GSE1: variants seen among roughly 807,000 people sequenced by gnomAD.
The protein encoded by GSE1 is Gse1 coiled-coil protein.
In GSE1, 32 loss-of-function variants were observed where a neutral mutation model predicts 112.6. That is an observed-to-expected ratio of 0.28 (90% CI 0.21 to 0.38). GSE1 has a LOEUF of 0.38. GSE1 is among the 10% of genes least tolerant of loss of function. The probability of loss-of-function intolerance (pLI) is 1.00; values close to 1 mark genes in which losing one functional copy is unlikely to be tolerated. For missense variants in GSE1, 2,348 were observed against 1,699.2 expected (o/e 1.38, Z -6.71); for synonymous variants, 1,115 against 735.6 (o/e 1.52, Z -8.35).
At chr16:85,189,569 C>G (rs79139110) in intron 1 of GSE1, among the ~76,000 whole-genome samples, 2,286 of 152,278 alleles carry the variant, frequency 0.015, 51 homozygotes, top group African/African-American at 0.051. Context: ...AATAAAAGTT[C>G]TAAGAGACAT....
At chr16:85,527,113 T>A (rs2052388180) in intron 2 of GSE1, among the ~76,000 whole-genome samples, 1 of 152,044 alleles carries the variant, frequency 6.6e-6, no homozygotes, top group Non-Finnish European at 1.5e-5. Context: ...GCGCCCCACC[T>A]CCTCTGTCTT....
At chr16:85,465,152 C>T (rs2050088386) in intron 2 of GSE1, among the ~76,000 whole-genome samples, 1 of 152,226 alleles carries the variant, frequency 6.6e-6, no homozygotes, top group African/African-American at 2.4e-5. Flanking sequence ...CTCCGATATC[C>T]AGGAGTGTGG....
At chr16:85,644,236 G>T (rs1317105713) in intron 2 of GSE1, among the ~76,000 whole-genome samples, 2 of 152,114 alleles carry the variant, frequency 1.3e-5, no homozygotes, top group African/African-American at 2.4e-5. Flanking sequence ...CTCCTCAGGA[G>T]GCTGAGGTGG....
upstream of GSE1, chr16:85,554,931 G>A (rs2045123806): frequency 3.0e-6 from 3 of 985,394 alleles, no homozygotes; most frequent in Non-Finnish European, 3.6e-6. Flanking sequence ...CTTCGGCAGC[G>A]GCACCCTCCC....
chr16:85,408,296 CGG>C (rs1567745076), intron 2 of GSE1, among the ~76,000 whole-genome samples: 3 of 5,666 alleles, frequency 5.3e-4, no homozygotes, highest in South Asian at 8.6e-3. Context: ...CAGGGCCCCC[CGG>C]ATAATCCTCA....
At chr16:85,597,534 A>T (rs1260172476) in intron 1 of GSE1, among the ~76,000 whole-genome samples, 1 of 152,088 alleles carries the variant, frequency 6.6e-6, no homozygotes, top group African/African-American at 2.4e-5. Flanking sequence ...CAGTAGTGAG[A>T]TCATAGTTCA....
Position 85,375,552 on chromosome 16 carries a change from G to A in GSE1, c.2464+17909G>A, listed in dbSNP as rs934395722. Among the ~76,000 whole-genome samples the A allele has an allele frequency of 1.4e-3, 220 of 152,370 alleles. 2 individuals carry two copies. The highest frequency in any genetic ancestry group is 5.1e-3 in the African/African-American group (212 of 41,588). ...CCAAGACCCTGAGACCCCCAAGCCT[G>A]CCTGGGGCCATGCAGGGCTTAAGCG... On this transcript the variant is annotated intron_variant, in intron 2 of 2. Transcript: ENST00000637419.
At chr16:85,558,199 A>G (rs1236483520) in intron 1 of GSE1, among the ~76,000 whole-genome samples, 1 of 152,136 alleles carries the variant, frequency 6.6e-6, no homozygotes, top group Non-Finnish European at 1.5e-5. Context: ...CATTCATCAG[A>G]GCCCTTTAGC....
chr16:85,492,588 A>C (rs1390240876), intron 2 of GSE1, among the ~76,000 whole-genome samples: 1 of 152,248 alleles, frequency 6.6e-6, no homozygotes, highest in African/African-American at 2.4e-5. Flanking sequence ...ACTAGGGCCC[A>C]GAGAGGCCGA....
chr16:85,231,455 G>A (rs1482701547), intron 1 of GSE1, among the ~76,000 whole-genome samples: 3 of 151,794 alleles, frequency 2.0e-5, no homozygotes, highest in Non-Finnish European at 2.9e-5. Flanking sequence ...TGGATGGAAG[G>A]ATGGATGGAT....
rs570067364 is a variant in GSE1, at chr16:85,651,796, C to T, written c.427-2482C>T. Among the ~76,000 whole-genome samples the T allele has an allele frequency of 7.2e-5, 11 of 152,286 alleles. No homozygotes were observed. In the South Asian group the frequency reaches 1.0e-3, roughly 14 times the overall value. The stretch of plus-strand genomic sequence containing the variant: ...CCTGGGAGGGGGAGTCCAGGTACCC[C>T]GGGTGCCTGAGCAGGCGAGGCCCCT... On this transcript the variant is annotated intron_variant, in intron 3 of 15. Coordinates refer to ENST00000253458, the MANE Select transcript of GSE1 (RefSeq NM_014615.5).
intron 2 of GSE1, among the ~76,000 whole-genome samples, chr16:85,517,584 C>T (rs1411815065): frequency 6.9e-6 from 1 of 145,058 alleles, no homozygotes; most frequent in Non-Finnish European, 1.5e-5. Flanking sequence ...ACCAACCGGC[C>T]CCTGAATCCC....
chr16:85,499,815 A>G (rs960279782), intron 2 of GSE1, among the ~76,000 whole-genome samples: 2 of 152,230 alleles, frequency 1.3e-5, no homozygotes, highest in African/African-American at 4.8e-5. Context: ...AAAAGATAAC[A>G]TATGTTGCTG....
intron 1 of GSE1, among the ~76,000 whole-genome samples, chr16:85,591,513 A>G (rs547419886): frequency 3.0e-4 from 45 of 152,350 alleles, no homozygotes; most frequent in African/African-American, 8.9e-4. Context: ...TGCTCCTCAC[A>G]GCCTTGCGGG....
At chr16:85,331,359 GTGTGTGTATATATGTATATA>G (rs2046340493) in intron 1 of GSE1, among the ~76,000 whole-genome samples, 1 of 54,480 alleles carries the variant, frequency 1.8e-5, no homozygotes, top group Non-Finnish European at 4.4e-5. Flanking sequence ...GTGTGTGTGT[GTGTGTGTATATATGTATATA>G]TATGTATATA....
Position 85,654,922 on chromosome 16 carries a change from C to T in GSE1, c.728C>T (p.Pro243Leu), listed in dbSNP as rs778445212. ...MSSLPPLGLD[P>L]ATAAAYYHPS... ...TCACTGCCTCCCCTCGGCCTGGACC[C>T]GGCCACTGCTGCAGCCTACTACCAC... Residue 243 changes from proline to leucine, a missense_variant, in exon 5 of 16, where the codon CCG (proline) becomes CTG (leucine). Physicochemically the swap from Pro to Leu is moderately conservative, Grantham distance 98 (BLOSUM62 -3). Coordinates refer to ENST00000253458, the MANE Select transcript of GSE1 (RefSeq NM_014615.5). The T allele has an allele frequency of 1.3e-5, 21 of 1,611,314 alleles. No individual in the cohort carries two copies. Among genetic ancestry groups the T allele is most frequent in the Admixed American group, 1.2e-4 (7 of 59,952 alleles).
At chr16:85,466,086 T>C (rs759098734) in intron 2 of GSE1, among the ~76,000 whole-genome samples, 8 of 152,154 alleles carry the variant, frequency 5.3e-5, no homozygotes, top group Non-Finnish European at 1.2e-4. Flanking sequence ...GGTTCACATC[T>C]CAGTGACAGC....
At chr16:85,201,011 A>T (rs570210281) in intron 1 of GSE1, among the ~76,000 whole-genome samples, 23 of 152,254 alleles carry the variant, frequency 1.5e-4, no homozygotes, top group Non-Finnish European at 2.9e-4. Flanking sequence ...AGAACGAAGC[A>T]GTATTGGTTT....
intron 1 of GSE1, among the ~76,000 whole-genome samples, chr16:85,619,900 C>A (rs912849624): frequency 1.3e-5 from 2 of 152,126 alleles, no homozygotes; most frequent in African/African-American, 4.8e-5. Context: ...GAGCAGAAAC[C>A]CACACCATGA....
Sources: allele counts gnomAD v4.1 joint callset (sites outside exome capture counted in the v4.1 genomes callset), GRCh38; gene constraint gnomAD v4.1.1; transcripts MANE v1.5; gene names NCBI Gene and HGNC (gene_info 2026-07-23, HGNC 2026-07-21).